STOX2: variants seen among roughly 807,000 people sequenced by gnomAD.
The protein encoded by STOX2 is storkhead-box protein 2.
Under a neutral mutation model 60.9 loss-of-function variants are expected in STOX2, and 28 were observed. The ratio of observed to expected loss-of-function variants is 0.46; its 90% CI spans 0.34 to 0.63. STOX2 has a LOEUF of 0.63. Among genes scored for constraint, STOX2 ranks in the 30% least tolerant of loss-of-function variants. The pLI, the probability that STOX2 is intolerant of heterozygous loss-of-function variation, is 0.01. For synonymous variants in STOX2, 472 were observed against 463.9 expected (o/e 1.02, Z -0.22); for missense variants, 1,024 against 1,187.7 (o/e 0.86, Z 2.03).
intron 1 of STOX2, among the ~76,000 whole-genome samples, chr4:183,957,846 C>T (rs1305820977): frequency 6.6e-6 from 1 of 150,516 alleles, no homozygotes; most frequent in Non-Finnish European, 1.5e-5. Flanking sequence ...AATAAGGCAC[C>T]CTGGTTTCTT....
chr4:183,805,116 T>A (rs2117690), intron 1 of STOX2, among the ~76,000 whole-genome samples: 27,391 of 152,162 alleles, frequency 0.18, 2,581 homozygotes, highest in African/African-American at 0.24. Context: ...ATACAAACTA[T>A]TTGCTGCAAG....
chr4:183,999,071 A>G (rs1467234557), intron 1 of STOX2, among the ~76,000 whole-genome samples: 3 of 152,146 alleles, frequency 2.0e-5, no homozygotes, highest in Non-Finnish European at 4.4e-5. Flanking sequence ...AAAAAACAAA[A>G]ACAAATGAAC....
In STOX2 at chr4:183,886,401, T is replaced by C. The variant is rs113243684; in HGVS notation, c.364+88346T>C. Among the ~76,000 whole-genome samples, 1,404 of 152,112 alleles carry C rather than the reference T, an allele frequency of 9.2e-3. 25 individuals are homozygous for C. Among genetic ancestry groups the C allele is most frequent in the African/African-American group, 0.033 (1,345 of 41,364 alleles). The stretch of plus-strand genomic sequence containing the variant: ...GGAGACAGGCCTTGTACCTAAGAGA[T>C]GATTTGACAATCGAATGTTTCTAAG... On this transcript the variant is annotated intron_variant, in intron 1 of 2. Transcript: ENST00000513034.
intron 1 of STOX2, among the ~76,000 whole-genome samples, chr4:183,925,766 G>C (rs1025145900): frequency 1.3e-5 from 2 of 152,140 alleles, no homozygotes; most frequent in South Asian, 4.1e-4. Context: ...ATGTTTAATG[G>C]AATGCAGTCT....
chr4:183,889,328 A>C (rs1741155003), intron 1 of STOX2, among the ~76,000 whole-genome samples: 1 of 152,114 alleles, frequency 6.6e-6, no homozygotes, highest in Non-Finnish European at 1.5e-5. Flanking sequence ...ATGCACAGAC[A>C]GGGACGGTAA....
chr4:183,931,330 G>T (rs541276493), intron 1 of STOX2, among the ~76,000 whole-genome samples: 1 of 152,020 alleles, frequency 6.6e-6, no homozygotes, highest in African/African-American at 2.4e-5. Context: ...TGGCTGAGGC[G>T]GGAGAATCGC....
rs1741566953 is a variant in STOX2, at chr4:183,905,482, G to T, written c.-1309G>T. The T allele has an allele frequency of 6.6e-6, 1 of 152,244 alleles. No homozygotes were observed. Among genetic ancestry groups the T allele is most frequent in the Non-Finnish European group, 1.5e-5 (1 of 68,100 alleles). The allele number at this position is 152,244 out of a possible 1,614,324, so 9.4% of individuals were successfully genotyped here. A position where few individuals can be genotyped will look rare whatever the true frequency, so the allele number is the denominator to read the frequency against. On this transcript the variant is annotated 5_prime_UTR_variant, in exon 1 of 4. Coordinates refer to ENST00000308497, the MANE Select transcript of STOX2 (RefSeq NM_020225.3). ...CGCCCCGGCGTGTGCGGTTGTGGGG[G>T]AGCTCGCCGTGGCCTCCCCTCCCTC...
At chr4:183,829,990 G>A (rs1280626238) in intron 1 of STOX2, among the ~76,000 whole-genome samples, 1 of 152,186 alleles carries the variant, frequency 6.6e-6, no homozygotes, top group Non-Finnish European at 1.5e-5. Context: ...TCTTCTTGCA[G>A]GTATGAGTGA....
At chr4:183,804,597 G>C (rs1463918071) in intron 1 of STOX2, among the ~76,000 whole-genome samples, 1 of 152,220 alleles carries the variant, frequency 6.6e-6, no homozygotes, top group African/African-American at 2.4e-5. Flanking sequence ...AGAAAATTTA[G>C]AGAAGTTTAA....
Position 183,860,630 on chromosome 4 carries a change from C to G in STOX2, c.364+62575C>G, listed in dbSNP as rs530088226. On this transcript the variant is annotated intron_variant, in intron 1 of 2. Coordinates refer to the STOX2 transcript ENST00000513034. The stretch of plus-strand genomic sequence containing the variant: ...GTGATATGCTAATTAGAAAGTATCT[C>G]ATTATGCGAGAGACAGGAAACGTGG... Among the ~76,000 whole-genome samples the G allele has an allele frequency of 7.2e-5, 11 of 152,228 alleles. No homozygotes were observed. In the South Asian group the frequency reaches 2.3e-3, roughly 32 times the overall value.
At chr4:183,817,027 G>C (rs1321456743) in intron 1 of STOX2, among the ~76,000 whole-genome samples, 1 of 152,206 alleles carries the variant, frequency 6.6e-6, no homozygotes, top group African/African-American at 2.4e-5. Flanking sequence ...TGTGAGCTCT[G>C]ATAGTTGCAA....
At chr4:183,940,182 CG>C (rs1742715247) in intron 1 of STOX2, among the ~76,000 whole-genome samples, 2 of 152,194 alleles carry the variant, frequency 1.3e-5, no homozygotes, top group Non-Finnish European at 2.9e-5. Context: ...GGATTACAGG[CG>C]TGAGCCACCG....
rs1432501862 is a variant in STOX2 at position 183,836,684 on chromosome 4, C to T, written c.364+38629C>T. ...GAGCATCAGCAGTGTCCATCGCAGT[C>T]ACCGTCTCCCATTTCGTGGCAGGGT... On this transcript the variant is annotated intron_variant, in intron 1 of 2. Coordinates refer to the STOX2 transcript ENST00000513034. This position sits in a 1 kb window ranked among gnomAD's most constrained non-coding sequence, Gnocchi z 4.1. Among the ~76,000 whole-genome samples, 3 of 152,198 alleles carry T rather than the reference C, an allele frequency of 2.0e-5. No individual in the cohort carries two copies. The highest frequency in any genetic ancestry group is 4.4e-5 in the Non-Finnish European group (3 of 68,046).
At chr4:183,991,513 C>T (rs911661780) in intron 1 of STOX2, among the ~76,000 whole-genome samples, 28 of 151,790 alleles carry the variant, frequency 1.8e-4, no homozygotes, top group Admixed American at 1.6e-3. Context: ...CTGCAACCTC[C>T]GCCTCCTGGG....
At chr4:183,990,578 A>ATTTTTTTTTTTTTTTTTT (rs57369052) in intron 1 of STOX2, among the ~76,000 whole-genome samples, 1 of 82,482 alleles carries the variant, frequency 1.2e-5, no homozygotes, top group East Asian at 4.2e-4. Flanking sequence ...AAAAAGCAGG[A>ATTTTTTTTTTTTTTTTTT]TTTTTTTTTT....
rs5864864 is a variant in STOX2 at position 184,017,688 on chromosome 4, CA to C, written c.*417del. 31 of 103,544 alleles carry C rather than the reference CA, an allele frequency of 3.0e-4. No individual in the cohort carries two copies. Among genetic ancestry groups the C allele is most frequent in the Non-Finnish European group, 5.1e-4 (24 of 46,790 alleles). The allele number at this position is 103,544 out of a possible 1,614,324, so 6.4% of individuals were successfully genotyped here. On this transcript the variant is annotated 3_prime_UTR_variant, in exon 4 of 4. Transcript: ENST00000308497. ...CCACAGAACTGATCCTTGACACTTC[CA>C]AAAAAAAAAAAACAAAACAAAACAA... is the stretch of plus-strand genomic sequence containing the variant.
chr4:184,005,114 A>G (rs992118451), intron 2 of STOX2, among the ~76,000 whole-genome samples: 3 of 152,238 alleles, frequency 2.0e-5, no homozygotes, highest in Non-Finnish European at 4.4e-5. Flanking sequence ...AACATACAGA[A>G]CAGGTCCATG....
rs374958908 is a variant in STOX2 at position 183,857,132 on chromosome 4, A to C, written c.364+59077A>C. ...TGTCCCACAGGACTGGTCATCCTGC[A>C]GAACTGGTTATCCCGCAGGACTGGT... On this transcript the variant is annotated intron_variant, in intron 1 of 2. Coordinates refer to the STOX2 transcript ENST00000513034. Among the ~76,000 whole-genome samples, 5 of 152,128 alleles carry C rather than the reference A, an allele frequency of 3.3e-5. No individual in the cohort carries two copies. In the East Asian group the frequency reaches 7.7e-4, roughly 23 times the overall value.
chr4:183,990,381 C>T (rs1733050608), intron 1 of STOX2, among the ~76,000 whole-genome samples: 1 of 152,086 alleles, frequency 6.6e-6, no homozygotes, highest in Non-Finnish European at 1.5e-5. Context: ...GTGTTTTGAA[C>T]AGCAATGTGT....
Sources: allele counts gnomAD v4.1 joint callset (sites outside exome capture counted in the v4.1 genomes callset), GRCh38; gene constraint gnomAD v4.1.1; non-coding constraint Gnocchi (gnomAD v3.1); transcripts MANE v1.5; gene names NCBI Gene and HGNC (gene_info 2026-07-23, HGNC 2026-07-21).